The following TPST1 variants were observed in gnomAD, a reference collection of about 807,000 sequenced individuals.
TPST1 encodes the protein tyrosylprotein sulfotransferase 1.
A neutral mutation model predicts 34.8 loss-of-function variants in TPST1; 20 were observed. The ratio of observed to expected loss-of-function variants is 0.57; its 90% CI spans 0.40 to 0.84. The LOEUF is 0.84. Ranked by LOEUF, TPST1 falls within the 40% of genes least tolerant of loss-of-function variation. The probability of loss-of-function intolerance (pLI) is 0.00; values close to 1 mark genes in which losing one functional copy is unlikely to be tolerated. For synonymous variants in TPST1, 152 were observed against 159.4 expected (o/e 0.95, Z 0.35); for missense variants, 353 against 455.5 (o/e 0.78, Z 2.05).
In TPST1 at chr7:66,233,218, T is replaced by A. The variant is rs192827650; in HGVS notation, c.-101-7107T>A. 2.0e-5 allele frequency among the ~76,000 whole-genome samples: 3 copies of A among 152,282 alleles called. No individual in the cohort carries two copies. In the East Asian group the frequency reaches 5.8e-4, roughly 29 times the overall value. On this transcript the variant is annotated intron_variant, in intron 1 of 5. Coordinates refer to ENST00000304842, the MANE Select transcript of TPST1 (RefSeq NM_003596.4). Reference sequence around the variant, plus strand: ...AATTTTTAATTTTGATGGAGTCCAGTTTATCCATTTTTGGTGGTGATGTTT... The same window carrying A: ...AATTTTTAATTTTGATGGAGTCCAGATTATCCATTTTTGGTGGTGATGTTT...
In TPST1 at chr7:66,240,725, A is replaced by G; in HGVS notation, c.300A>G (p.Glu100=). The change falls in exon 2 of 6, where the codon GAA becomes GAG. Residue 100 remains glutamate, a synonymous_variant. Transcript: ENST00000304842. ...ATCCTGACATTCGCTGTGGAGAGGA[A>G]ACCAGGGTCATTCCCCGAATCCTGG... The part of the protein sequence containing the change: ...DAHPDIRCGE[E]TRVIPRILAL... The G allele has an allele frequency of 6.2e-7, 1 of 1,614,194 alleles. No homozygotes were observed. Among genetic ancestry groups the G allele is most frequent in the Non-Finnish European group, 8.5e-7 (1 of 1,180,040 alleles).
chr7:66,297,193 A>C (rs1483603708), intron 3 of TPST1, among the ~76,000 whole-genome samples: 1 of 152,142 alleles, frequency 6.6e-6, no homozygotes, highest in South Asian at 2.1e-4. Context: ...CTTTCATTAC[A>C]GCCTATTTGC....
intron 2 of TPST1, among the ~76,000 whole-genome samples, chr7:66,281,297 G>A (rs1041095079): frequency 6.6e-6 from 1 of 152,028 alleles, no homozygotes; most frequent in East Asian, 1.9e-4. Flanking sequence ...TTCTTTTTTT[G>A]TTGTATCTCT....
chr7:66,324,798 CTCAAAAAAA>C (rs1260653436), intron 3 of TPST1, among the ~76,000 whole-genome samples: 1 of 32,282 alleles, frequency 3.1e-5, no homozygotes, highest in African/African-American at 1.3e-4. Context: ...AAGACTCTGT[CTCAAAAAAA>C]AAAAAAAAAA....
At chr7:66,199,976 C>T in the TPST1 span, among the ~76,000 whole-genome samples, 7 of 151,760 alleles carry the variant, frequency 4.6e-5, no homozygotes, top group Non-Finnish European at 1.0e-4. Flanking sequence ...GTGATCTGCC[C>T]GCTTCGGCCT....
chr7:66,245,303 G>A (rs1291328297), intron 2 of TPST1, among the ~76,000 whole-genome samples: 1 of 152,144 alleles, frequency 6.6e-6, no homozygotes, highest in Non-Finnish European at 1.5e-5. Context: ...ATACAGCATG[G>A]GCAAGTGAGA....
intron 1 of TPST1, among the ~76,000 whole-genome samples, chr7:66,233,586 C>G (rs186675078): frequency 1.3e-5 from 2 of 152,110 alleles, no homozygotes; most frequent in East Asian, 1.9e-4. Flanking sequence ...CATTGTCTTA[C>G]GATTGTAGCA....
intron 1 of TPST1, among the ~76,000 whole-genome samples, chr7:66,227,023 A>G (rs899546674): frequency 5.5e-5 from 4 of 72,304 alleles, no homozygotes; most frequent in South Asian, 3.6e-4. Context: ...ATGCCTTAAA[A>G]TAAGCTTTTT....
chr7:66,200,601 T>C (rs1789024960), upstream of TPST1, among the ~76,000 whole-genome samples: 1 of 151,736 alleles, frequency 6.6e-6, no homozygotes, highest in Admixed American at 6.6e-5. Context: ...TTTGTATTTT[T>C]AGTAGAGACG....
At chr7:66,305,320 T>C (rs1008890329) in intron 3 of TPST1, among the ~76,000 whole-genome samples, 30 of 152,128 alleles carry the variant, frequency 2.0e-4, no homozygotes, top group Admixed American at 8.5e-4. Flanking sequence ...TCCATGTTCC[T>C]TTGGTCCTCA....
At chr7:66,201,815 T>C (rs1434860659), upstream of TPST1, among the ~76,000 whole-genome samples, 3 of 149,122 alleles carry the variant, frequency 2.0e-5, no homozygotes, top group Non-Finnish European at 4.4e-5. Context: ...ACTATGCCAC[T>C]GTACTCCAGC....
chr7:66,328,886 C>CTCTATATATATATATATA (rs757168858), intron 3 of TPST1, among the ~76,000 whole-genome samples: 1 of 22,094 alleles, frequency 4.5e-5, no homozygotes, highest in Non-Finnish European at 7.4e-5. Flanking sequence ...CTCTCTCTCT[C>CTCTATATATATATATATA]TATATATATA....
At chr7:66,293,715 C>G (rs1326137909) in intron 3 of TPST1, among the ~76,000 whole-genome samples, 4 of 152,120 alleles carry the variant, frequency 2.6e-5, no homozygotes, top group Non-Finnish European at 5.9e-5. Flanking sequence ...GACCTTACTT[C>G]TGATTTCTTT....
intron 3 of TPST1, among the ~76,000 whole-genome samples, chr7:66,316,026 C>T (rs1318124592): frequency 6.6e-6 from 1 of 151,672 alleles, no homozygotes; most frequent in Non-Finnish European, 1.5e-5. Context: ...AGGAGAATCG[C>T]TTGAACTCAG....
chr7:66,299,106 A>G (rs1791259604), intron 3 of TPST1, among the ~76,000 whole-genome samples: 1 of 146,328 alleles, frequency 6.8e-6, no homozygotes, highest in Admixed American at 7.0e-5. Flanking sequence ...AGCCTGGGCA[A>G]CAGAGCGAGA....
At chr7:66,246,687 G>A (rs1790157089) in intron 2 of TPST1, among the ~76,000 whole-genome samples, 3 of 152,202 alleles carry the variant, frequency 2.0e-5, no homozygotes, top group African/African-American at 7.2e-5. Context: ...AGGCAGACCA[G>A]GGCTGCTTTG....
chr7:66,243,941 A>ATTTTTTTTTTTTTTTTTTT (rs55829208), intron 2 of TPST1, among the ~76,000 whole-genome samples: 15 of 116,236 alleles, frequency 1.3e-4, no homozygotes, highest in Non-Finnish European at 1.6e-4. Flanking sequence ...ATTCTGGGAA[A>ATTTTTTTTTTTTTTTTTTT]TTTTTTTTTT....
intron 1 of TPST1, among the ~76,000 whole-genome samples, chr7:66,220,844 C>T (rs181992241): frequency 6.6e-6 from 1 of 152,154 alleles, no homozygotes. Context: ...TTAGAAAGGT[C>T]GTTCCTGGCT....
chr7:66,316,451 G>A (rs914269752), intron 3 of TPST1, among the ~76,000 whole-genome samples: 1 of 152,166 alleles, frequency 6.6e-6, no homozygotes, highest in Non-Finnish European at 1.5e-5. Flanking sequence ...AGTCAAACTT[G>A]ACAGTTATGT....
Sources: gnomAD v4.1 joint callset for allele counts (sites outside exome capture counted in the v4.1 genomes callset) on GRCh38, gnomAD v4.1.1 for gene constraint, MANE v1.5 for transcripts, NCBI Gene and HGNC (gene_info 2026-07-23, HGNC 2026-07-21) for gene names.